Variants in DMBX1 observed in about 807,000 individuals in gnomAD.
The protein encoded by DMBX1 is diencephalon/mesencephalon homeobox protein 1.
In DMBX1, 7 loss-of-function variants were observed where a neutral mutation model predicts 30.4. The observed-to-expected ratio is 0.23, with a 90% CI of 0.13 to 0.43. DMBX1 has a LOEUF of 0.43. DMBX1 is among the 20% of genes least tolerant of loss of function. DMBX1 has a pLI of 1.00. For synonymous variants in DMBX1, 222 were observed against 214.2 expected, an observed-to-expected ratio of 1.04 and a Z score of -0.32; for missense variants, 460 against 508.5, an observed-to-expected ratio of 0.90 and a Z score of 0.92.
intron 3 of DMBX1, among the ~76,000 whole-genome samples, chr1:46,507,483 A>T (rs911463457): frequency 3.9e-5 from 6 of 152,200 alleles, no homozygotes; most frequent in Admixed American, 3.3e-4. Flanking sequence ...GGACTAGTCC[A>T]GAGTATTATG....
At chr1:46,492,444 A>C (rs969363742) in intron 2 of DMBX1, among the ~76,000 whole-genome samples, 1 of 152,158 alleles carries the variant, frequency 6.6e-6, no homozygotes, top group African/African-American at 2.4e-5. Flanking sequence ...GTGCTCTGGG[A>C]GTGTACAGCC....
intron 2 of DMBX1, among the ~76,000 whole-genome samples, chr1:46,500,070 G>C (rs933970200): frequency 6.6e-6 from 1 of 152,150 alleles, no homozygotes; most frequent in South Asian, 2.1e-4. Flanking sequence ...ATTTGTTAGG[G>C]GAAGGGAAAG....
intron 2 of DMBX1, among the ~76,000 whole-genome samples, chr1:46,492,679 C>A (rs528841370): frequency 2.6e-5 from 4 of 152,130 alleles, no homozygotes; most frequent in African/African-American, 9.7e-5. Context: ...CACACAGACA[C>A]ACATACAGAG....
At chr1:46,507,655 G>A (rs1274034809) in intron 3 of DMBX1, among the ~76,000 whole-genome samples, 2 of 152,212 alleles carry the variant, frequency 1.3e-5, no homozygotes, top group Non-Finnish European at 2.9e-5. Flanking sequence ...CCCATGTGGA[G>A]AGGTTATTAT....
chr1:46,506,670 G>A (rs1666241687), intron 2 of DMBX1, among the ~76,000 whole-genome samples: 2 of 152,226 alleles, frequency 1.3e-5, no homozygotes, highest in South Asian at 4.1e-4. Context: ...TGCAGATAGA[G>A]AAACTATGGG....
At chr1:46,506,779 C>G (rs746536611) in intron 2 of DMBX1, among the ~76,000 whole-genome samples, 3 of 152,242 alleles carry the variant, frequency 2.0e-5, no homozygotes, top group Non-Finnish European at 4.4e-5. Flanking sequence ...TAAACCCACA[C>G]TGGCCCTGCC....
Position 46,514,735 on chromosome 1 carries a change from G to T in DMBX1, c.*2241G>T, listed in dbSNP as rs541141214. Among the ~76,000 whole-genome samples the T allele has an allele frequency of 7.2e-5, 11 of 152,158 alleles. No individual in the cohort carries two copies. The highest frequency in any genetic ancestry group is 1.5e-4 in the Non-Finnish European group (10 of 68,034). Reference sequence around the variant, plus strand: ...GAAAGCCAGGGTAAAGATTGCTAAGGCTTGTCTCCTCTCCCAGTGGGAAGA... The same window carrying T: ...GAAAGCCAGGGTAAAGATTGCTAAGTCTTGTCTCCTCTCCCAGTGGGAAGA... On this transcript the variant is annotated 3_prime_UTR_variant, in exon 6 of 6. Transcript: ENST00000360032.
chr1:46,503,002 G>A (rs183159021), intron 2 of DMBX1, among the ~76,000 whole-genome samples: 19 of 152,348 alleles, frequency 1.2e-4, no homozygotes, highest in African/African-American at 2.4e-4. Flanking sequence ...CCATTGGGCC[G>A]TGGGATTAGT....
chr1:46,491,957 C>A lies in DMBX1; in HGVS notation c.-13+1174C>A, dbSNP rs1166551820. On this transcript the variant is annotated intron_variant, in intron 2 of 5. Transcript: ENST00000360032. This position sits in a 1 kb window ranked among gnomAD's most constrained non-coding sequence, Gnocchi z 5.5. ...TGGATAATTGGCTCAAATCTCTCTC[C>A]TGTATGGCTGGGGTAGACACACTTT... Among the ~76,000 whole-genome samples the A allele has an allele frequency of 6.6e-6, 1 of 152,194 alleles. No homozygotes were observed. The highest frequency in any genetic ancestry group is 1.5e-5 in the Non-Finnish European group (1 of 68,028).
At chr1:46,501,266 C>CT (rs1223774896) in intron 2 of DMBX1, among the ~76,000 whole-genome samples, 4 of 118,918 alleles carry the variant, frequency 3.4e-5, no homozygotes, top group African/African-American at 1.3e-4. Context: ...TTCTTTCTTT[C>CT]TTTCTCTTCT....
intron 2 of DMBX1, among the ~76,000 whole-genome samples, chr1:46,498,584 C>T (rs976186997): frequency 6.6e-6 from 1 of 152,106 alleles, no homozygotes; most frequent in African/African-American, 2.4e-5. Context: ...TCTAGGGTAC[C>T]ATTTAGTGTA....
intron 2 of DMBX1, among the ~76,000 whole-genome samples, chr1:46,502,210 G>A (rs950998500): frequency 2.0e-5 from 3 of 152,098 alleles, no homozygotes; most frequent in Non-Finnish European, 4.4e-5. Context: ...CTTGGAAGTT[G>A]GATTCACGTG....
rs1272617072 is a variant in DMBX1 at position 46,515,440 on chromosome 1, A to C, written c.*2946A>C. Among the ~76,000 whole-genome samples, 2 of 152,194 alleles carry C rather than the reference A, an allele frequency of 1.3e-5. No individual in the cohort carries two copies. Among genetic ancestry groups the C allele is most frequent in the African/African-American group, 4.8e-5 (2 of 41,456 alleles). ...AACTCCTAAGGGGCAATGTTCTGTC[A>C]TGGCTGGAGGCAGGCCCACCTTAGG... On this transcript the variant is annotated 3_prime_UTR_variant, in exon 6 of 6. Coordinates refer to ENST00000360032, the MANE Select transcript of DMBX1 (RefSeq NM_172225.2).
chr1:46,508,140 C>T (rs1342159817), intron 3 of DMBX1, among the ~76,000 whole-genome samples: 1 of 152,108 alleles, frequency 6.6e-6, no homozygotes, highest in East Asian at 1.9e-4. Flanking sequence ...CAGCCTTGAG[C>T]AGCTGGTAAA....
rs373572647 is a variant in DMBX1, at chr1:46,510,675, C to T, written c.333+21C>T. 31 of 1,606,552 alleles carry T rather than the reference C, an allele frequency of 1.9e-5. No homozygotes were observed. The highest frequency in any genetic ancestry group is 2.6e-5 in the Non-Finnish European group (30 of 1,175,972). On this transcript the variant is annotated intron_variant, in intron 4 of 5. Transcript: ENST00000360032. The surrounding 1 kb of genome is among the most constrained non-coding windows in gnomAD (Gnocchi z 4.1). ...TGCAGGTAGGGCCCAACTCTCCTAA[C>T]TAGGCCTTGCAGACAAACACCAGCC...
At chr1:46,502,055 A>C (rs938602487) in intron 2 of DMBX1, among the ~76,000 whole-genome samples, 1 of 151,958 alleles carries the variant, frequency 6.6e-6, no homozygotes, top group Non-Finnish European at 1.5e-5. Flanking sequence ...TTCTGCCTTG[A>C]GGTTATGGTT....
Position 46,514,827 on chromosome 1 carries a change from G to C in DMBX1, c.*2333G>C, listed in dbSNP as rs1364238941. On this transcript the variant is annotated 3_prime_UTR_variant, in exon 6 of 6. Transcript: ENST00000360032. ...AAGTCAATGCCCATCACCCTTGATG[G>C]GGGTCAGCCTAGGCTGGGGCAGATG... Among the ~76,000 whole-genome samples, 1 of 152,172 alleles carries C rather than the reference G, an allele frequency of 6.6e-6. No homozygotes were observed. The highest frequency in any genetic ancestry group is 1.5e-5 in the Non-Finnish European group (1 of 68,028).
At chr1:46,506,898 A>T (rs1343003706) in intron 2 of DMBX1, 101 bp from the exon 3 acceptor site, 2 of 1,375,464 alleles carry the variant, frequency 1.5e-6, no homozygotes, top group Non-Finnish European at 2.0e-6. Flanking sequence ...CTTCTGACCC[A>T]TCAGAAGGTG....
At position 46,512,140 on chromosome 1, in the gene DMBX1, T is replaced by C. The variant is rs61751016; in HGVS notation, c.780T>C (p.Arg260=). 47,696 of 1,613,998 alleles carry C rather than the reference T, an allele frequency of 0.03. 834 individuals carry two copies. The highest frequency in any genetic ancestry group is 0.058 in the African/African-American group (4,327 of 75,002). Residue 260 remains arginine, a synonymous_variant, in exon 6 of 6, where the codon CGT becomes CGC. Transcript: ENST00000360032. This position sits in a 1 kb window ranked among gnomAD's most constrained non-coding sequence, Gnocchi z 4.8. ...SYSSSPLSLF[R]LQEQFRQHMA... ...CCTCGTCCCCGCTGAGCCTCTTCCG[T>C]CTGCAGGAGCAATTCCGCCAGCACA... is the stretch of plus-strand genomic sequence containing the variant.
Sources: allele counts gnomAD v4.1 joint callset (sites outside exome capture counted in the v4.1 genomes callset), GRCh38; gene constraint gnomAD v4.1.1; non-coding constraint Gnocchi (gnomAD v3.1); transcripts MANE v1.5; gene names NCBI Gene and HGNC (gene_info 2026-07-23, HGNC 2026-07-21).